The following SLC41A2 variants were observed in gnomAD, a reference collection of about 807,000 sequenced individuals.
SLC41A2 encodes the protein solute carrier family 41 member 2, also known as SLC41A1-like 1.
In SLC41A2, 32 loss-of-function variants were observed where a neutral mutation model predicts 58.3. That is an observed-to-expected ratio of 0.55 (90% CI 0.41 to 0.74). The LOEUF is 0.74. SLC41A2 is among the 30% of genes least tolerant of loss of function. The probability of loss-of-function intolerance (pLI) is 0.00; values close to 1 mark genes in which losing one functional copy is unlikely to be tolerated. For missense variants in SLC41A2, 514 were observed against 680.6 expected, an observed-to-expected ratio of 0.76 and a Z score of 2.72; for synonymous variants, 190 against 235.0, an observed-to-expected ratio of 0.81 and a Z score of 1.75.
intron 2 of SLC41A2, among the ~76,000 whole-genome samples, chr12:104,922,600 C>T (rs2046649836): frequency 6.6e-6 from 1 of 152,160 alleles, no homozygotes; most frequent in African/African-American, 2.4e-5. Flanking sequence ...ACACTCCACT[C>T]TCAATAATGA....
intron 1 of SLC41A2, among the ~76,000 whole-genome samples, chr12:104,935,150 G>A (rs1319265302): frequency 6.6e-6 from 1 of 151,846 alleles, no homozygotes; most frequent in Admixed American, 6.6e-5. Flanking sequence ...GTAGAAATGG[G>A]GTTTCACCAT....
chr12:104,935,823 A>T (rs954263581), intron 1 of SLC41A2, among the ~76,000 whole-genome samples: 9 of 152,174 alleles, frequency 5.9e-5, no homozygotes, highest in Admixed American at 1.3e-4. Flanking sequence ...TAGGTGGATC[A>T]CTTGAGGCCA....
At chr12:104,957,734 C>T (rs2048221261) in intron 1 of SLC41A2, among the ~76,000 whole-genome samples, 1 of 152,210 alleles carries the variant, frequency 6.6e-6, no homozygotes, top group African/African-American at 2.4e-5. Flanking sequence ...CTGGGGTGTG[C>T]CCGAGCCAGC....
chr12:104,880,866 A>T (rs543964144), intron 6 of SLC41A2, among the ~76,000 whole-genome samples: 2 of 152,192 alleles, frequency 1.3e-5, no homozygotes, highest in East Asian at 3.9e-4. Context: ...TTTTCTATTG[A>T]TTGGAATAGT....
At chr12:104,930,796 A>C (rs767906570) in intron 1 of SLC41A2, among the ~76,000 whole-genome samples, 2 of 152,220 alleles carry the variant, frequency 1.3e-5, no homozygotes, top group Non-Finnish European at 2.9e-5. Context: ...ACAAGGGGGA[A>C]TTTCCCAAGA....
chr12:104,957,875 G>A (rs967557862), intron 1 of SLC41A2, among the ~76,000 whole-genome samples: 2 of 151,992 alleles, frequency 1.3e-5, no homozygotes. Context: ...CCCGAGGTGG[G>A]GCAGGCGCGG....
chr12:104,822,174 AAAAT>A (rs1314099543), intron 10 of SLC41A2, among the ~76,000 whole-genome samples: 5 of 152,240 alleles, frequency 3.3e-5, no homozygotes, highest in African/African-American at 1.2e-4. Flanking sequence ...ATAAATAACT[AAAAT>A]AAATGAACAC....
chr12:104,911,620 A>T (rs902405740), intron 2 of SLC41A2, among the ~76,000 whole-genome samples: 1 of 152,222 alleles, frequency 6.6e-6, no homozygotes, highest in African/African-American at 2.4e-5. Context: ...TATCTATCAG[A>T]TAAATGAAGG....
At chr12:104,829,199 T>C (rs979595860) in intron 10 of SLC41A2, among the ~76,000 whole-genome samples, 1 of 152,224 alleles carries the variant, frequency 6.6e-6, no homozygotes, top group Non-Finnish European at 1.5e-5. Context: ...TGTACATGCA[T>C]ATTCATAGCA....
At chr12:104,821,100 A>G (rs1408152002) in intron 10 of SLC41A2, among the ~76,000 whole-genome samples, 3 of 152,072 alleles carry the variant, frequency 2.0e-5, no homozygotes, top group Non-Finnish European at 4.4e-5. Flanking sequence ...CTTTTCCTCT[A>G]TGTTTCTTCT....
chr12:104,853,917 T>TATTATTA lies in SLC41A2; in HGVS notation c.1255+7373_1255+7374insTAATAAT, dbSNP rs1373663794. Among the ~76,000 whole-genome samples, 4 of 54,430 alleles carry TATTATTA rather than the reference T, an allele frequency of 7.3e-5. 1 individual carries two copies. Among genetic ancestry groups the TATTATTA allele is most frequent in the Non-Finnish European group, 9.6e-5 (2 of 20,746 alleles). 35.7% of individuals were successfully genotyped at this position (54,430 alleles called of 152,430 possible). ...ATGTCACCATGCCTGGCTGATTTTT[T>TATTATTA]TTTTTTTTTTTTTTTTTTTTTTAGT... is the stretch of plus-strand genomic sequence containing the variant. On this transcript the variant is annotated intron_variant, in intron 8 of 10. Transcript: ENST00000258538.
intron 1 of SLC41A2, among the ~76,000 whole-genome samples, chr12:104,938,947 T>C (rs1358887593): frequency 6.6e-6 from 1 of 152,034 alleles, no homozygotes; most frequent in Non-Finnish European, 1.5e-5. Context: ...CAAAATTTCC[T>C]CCCAAAATTT....
At chr12:104,896,386 A>G (rs1381690148) in intron 3 of SLC41A2, among the ~76,000 whole-genome samples, 1 of 152,174 alleles carries the variant, frequency 6.6e-6, no homozygotes, top group Non-Finnish European at 1.5e-5. Context: ...CTTTATTTAC[A>G]TATTTCTTTA....
intron 6 of SLC41A2, among the ~76,000 whole-genome samples, chr12:104,877,734 C>T (rs1227616543): frequency 6.6e-6 from 1 of 152,158 alleles, no homozygotes; most frequent in Non-Finnish European, 1.5e-5. Flanking sequence ...CGTGGTGGCT[C>T]ACGCCTGTAA....
chr12:104,874,777 T>C (rs1593046585), intron 6 of SLC41A2, among the ~76,000 whole-genome samples: 4 of 152,338 alleles, frequency 2.6e-5, no homozygotes. Flanking sequence ...AATCAGGAAG[T>C]GTGATGCCTC....
At chr12:104,914,444 C>T (rs1461574625) in intron 2 of SLC41A2, among the ~76,000 whole-genome samples, 1 of 152,166 alleles carries the variant, frequency 6.6e-6, no homozygotes, top group African/African-American at 2.4e-5. Context: ...GTGACTCTTG[C>T]TTTTTATCAC....
At position 104,939,849 on chromosome 12, in the gene SLC41A2, T is replaced by G. The variant is rs74765502; in HGVS notation, c.-167-11155A>C. Among the ~76,000 whole-genome samples, 1,255 of 152,302 alleles carry G rather than the reference T, an allele frequency of 8.2e-3. 33 individuals are homozygous for G. In the East Asian group the frequency reaches 0.11, roughly 13 times the overall value. Reference sequence around the variant, plus strand: ...GATATGTATATTTATATAAACATACTAAGATCCACAGTACTATCAGACACA... The same window carrying G: ...GATATGTATATTTATATAAACATACGAAGATCCACAGTACTATCAGACACA... On this transcript the variant is annotated intron_variant, in intron 1 of 10. Coordinates refer to ENST00000258538, the MANE Select transcript of SLC41A2 (RefSeq NM_001352171.3).
intron 2 of SLC41A2, among the ~76,000 whole-genome samples, chr12:104,913,106 T>C (rs541184500): frequency 1.3e-5 from 2 of 152,294 alleles, no homozygotes; most frequent in East Asian, 3.9e-4. Flanking sequence ...CACCTCAGCA[T>C]TGGTGTGACA....
chr12:104,897,137 CTTTT>C (rs1164994824), intron 3 of SLC41A2, among the ~76,000 whole-genome samples: 2 of 119,836 alleles, frequency 1.7e-5, no homozygotes, highest in Non-Finnish European at 3.6e-5. Flanking sequence ...TGACACTTTT[CTTTT>C]TTCTTTTTTT....
Sources: allele counts gnomAD v4.1 joint callset (sites outside exome capture counted in the v4.1 genomes callset), GRCh38; gene constraint gnomAD v4.1.1; transcripts MANE v1.5; gene names NCBI Gene and HGNC (gene_info 2026-07-23, HGNC 2026-07-21).